The following NEGR1 variants were observed in gnomAD, a reference collection of about 807,000 sequenced individuals.
NEGR1 encodes IgLON family member 4.
In NEGR1, 10 loss-of-function variants were observed where a neutral mutation model predicts 40.9. The ratio of observed to expected loss-of-function variants is 0.24; its 90% CI spans 0.15 to 0.42. The LOEUF (loss-of-function observed/expected upper bound fraction) is 0.42. Ranked by LOEUF, NEGR1 falls within the 10% of genes least tolerant of loss-of-function variation. NEGR1 has a pLI of 1.00. For synonymous variants in NEGR1, 185 were observed against 166.8 expected, an observed-to-expected ratio of 1.11 and a Z score of -0.84; for missense variants, 352 against 438.9, an observed-to-expected ratio of 0.80 and a Z score of 1.77.
intron 2 of NEGR1, among the ~76,000 whole-genome samples, chr1:71,795,187 C>T (rs922070603): frequency 2.6e-5 from 4 of 151,906 alleles, no homozygotes; most frequent in African/African-American, 9.7e-5. Flanking sequence ...TATATCACTA[C>T]AATTTCATTT....
At chr1:71,501,364 A>G (rs1160922171) in intron 6 of NEGR1, among the ~76,000 whole-genome samples, 1 of 152,120 alleles carries the variant, frequency 6.6e-6, no homozygotes, top group African/African-American at 2.4e-5. Flanking sequence ...ATGAAGCAAT[A>G]TTTTTAAGAT....
intron 6 of NEGR1, among the ~76,000 whole-genome samples, chr1:71,554,337 C>CT (rs1024923330): frequency 3.3e-5 from 5 of 150,130 alleles, no homozygotes; most frequent in East Asian, 2.0e-4. Flanking sequence ...TTGGAGACAT[C>CT]TTTTTTTTTA....
At chr1:72,163,629 G>A (rs1375024353) in intron 1 of NEGR1, among the ~76,000 whole-genome samples, 1 of 151,872 alleles carries the variant, frequency 6.6e-6, no homozygotes, top group African/African-American at 2.4e-5. Flanking sequence ...CCATATAGAA[G>A]CCAGGTCAAA....
At chr1:71,856,405 T>C (rs374962714) in intron 2 of NEGR1, among the ~76,000 whole-genome samples, 84 of 152,252 alleles carry the variant, frequency 5.5e-4, no homozygotes, top group African/African-American at 1.9e-3. Context: ...TATTTATCCA[T>C]TAATTTCACC....
chr1:72,134,240 G>C (rs1254421909), intron 1 of NEGR1, among the ~76,000 whole-genome samples: 4 of 138,654 alleles, frequency 2.9e-5, no homozygotes, highest in Non-Finnish European at 6.1e-5. Flanking sequence ...ATGGAGTCTT[G>C]CTCTGTTGCC....
chr1:71,834,098 A>C (rs1336778059), intron 2 of NEGR1, among the ~76,000 whole-genome samples: 3 of 152,130 alleles, frequency 2.0e-5, no homozygotes, highest in African/African-American at 7.2e-5. Flanking sequence ...TAACCAAATA[A>C]ACTGCATTGT....
Position 72,220,914 on chromosome 1 carries a change from G to GTTTT in NEGR1, c.176+61401_176+61404dup, listed in dbSNP as rs3082236. Among the ~76,000 whole-genome samples, 423 of 140,788 alleles carry GTTTT rather than the reference G, an allele frequency of 3.0e-3. 2 individuals carry two copies. Among genetic ancestry groups the GTTTT allele is most frequent in the African/African-American group, 5.2e-3 (204 of 39,030 alleles). The allele number at this position is 140,788 out of a possible 152,430, so 92.4% of individuals were successfully genotyped here. On this transcript the variant is annotated intron_variant, in intron 1 of 6. Coordinates refer to ENST00000357731, the MANE Select transcript of NEGR1 (RefSeq NM_173808.3). ...AAAAAGTTACTTCTACCTACCTAAA[G>GTTTT]TTTTTTTTTTTTTTTTTAATAACAA...
chr1:71,744,447 T>C (rs1655319349), intron 3 of NEGR1, among the ~76,000 whole-genome samples: 1 of 151,850 alleles, frequency 6.6e-6, no homozygotes, highest in African/African-American at 2.4e-5. Context: ...TATATCCACA[T>C]ATACCTATAT....
At chr1:72,055,563 T>A (rs1482964631) in intron 1 of NEGR1, among the ~76,000 whole-genome samples, 1 of 151,066 alleles carries the variant, frequency 6.6e-6, no homozygotes, top group African/African-American at 2.4e-5. Flanking sequence ...AGATTATTCC[T>A]TGATTTTAAC....
At chr1:72,268,821 A>C (rs1655742305) in intron 1 of NEGR1, among the ~76,000 whole-genome samples, 1 of 151,608 alleles carries the variant, frequency 6.6e-6, no homozygotes, top group Admixed American at 6.6e-5. Context: ...ACTAATATAA[A>C]ATTGATAGAA....
rs572123210 is a variant in NEGR1 at position 71,531,763 on chromosome 1, T to C, written c.940+61054A>G. Among the ~76,000 whole-genome samples the C allele has an allele frequency of 2.6e-5, 4 of 151,414 alleles. No individual in the cohort carries two copies. The East Asian group carries it at 5.9e-4, about 22-fold the overall frequency. On this transcript the variant is annotated intron_variant, in intron 6 of 6. Transcript: ENST00000357731. ...AGTTTGAGAGGTTATGAAAAAGTAT[T>C]CTATAATTTGACCAGAAAGTGTTAT...
chr1:71,729,813 T>TTTTTG (rs1196485945), intron 3 of NEGR1, among the ~76,000 whole-genome samples: 20 of 151,584 alleles, frequency 1.3e-4, no homozygotes, highest in Admixed American at 6.6e-4. Flanking sequence ...AATTTTTGTT[T>TTTTTG]TTTTGTTTTG....
At chr1:71,596,044 C>CAAA (rs148493700) in intron 5 of NEGR1, among the ~76,000 whole-genome samples, 2 of 132,538 alleles carry the variant, frequency 1.5e-5, no homozygotes, top group South Asian at 2.4e-4. Context: ...CTCCCTGCCA[C>CAAA]AAAAAAAAAA....
chr1:71,716,520 TAAG>T (rs1654283535), intron 3 of NEGR1, among the ~76,000 whole-genome samples: 2 of 152,160 alleles, frequency 1.3e-5, no homozygotes, highest in South Asian at 4.1e-4. Context: ...ATTGAAAAAA[TAAG>T]ATTAAAATTA....
At chr1:71,458,752 T>C (rs781702612) in intron 6 of NEGR1, among the ~76,000 whole-genome samples, 5 of 152,256 alleles carry the variant, frequency 3.3e-5, no homozygotes, top group Admixed American at 6.5e-5. Flanking sequence ...CATATATTTC[T>C]AGATCCTTCT....
chr1:72,099,529 A>G (rs1447983060), intron 1 of NEGR1, among the ~76,000 whole-genome samples: 1 of 152,040 alleles, frequency 6.6e-6, no homozygotes, highest in Non-Finnish European at 1.5e-5. Context: ...TGAGTAAAAC[A>G]CTTTTATACT....
At chr1:71,829,685 AAAACG>A (rs1658770626) in intron 2 of NEGR1, among the ~76,000 whole-genome samples, 1 of 152,024 alleles carries the variant, frequency 6.6e-6, no homozygotes, top group African/African-American at 2.4e-5. Context: ...AAACGTAAAC[AAAACG>A]AAACAGAAAC....
chr1:71,948,775 C>A (rs984765025), intron 1 of NEGR1, among the ~76,000 whole-genome samples: 1 of 151,898 alleles, frequency 6.6e-6, no homozygotes, highest in Admixed American at 6.6e-5. Flanking sequence ...CTCAGAAATG[C>A]GAGTACCTCT....
At chr1:71,689,797 T>C (rs1653189745) in intron 4 of NEGR1, among the ~76,000 whole-genome samples, 1 of 150,734 alleles carries the variant, frequency 6.6e-6, no homozygotes, top group Non-Finnish European at 1.5e-5. Flanking sequence ...TAAATTAACA[T>C]TAAATAAATT....
Sources: gnomAD v4.1 joint callset for allele counts (sites outside exome capture counted in the v4.1 genomes callset) on GRCh38, gnomAD v4.1.1 for gene constraint, MANE v1.5 for transcripts, NCBI Gene and HGNC (gene_info 2026-07-23, HGNC 2026-07-21) for gene names.